YAE1: variants seen among roughly 807,000 people sequenced by gnomAD.
YAE1 encodes the protein YAE1 maturation factor of ABCE1.
YAE1 carries 22 observed loss-of-function variants against 23.0 expected under a neutral mutation model. The ratio of observed to expected loss-of-function variants is 0.96; its 90% CI spans 0.68 to 1.37. The LOEUF (loss-of-function observed/expected upper bound fraction) is 1.37. YAE1 is among the 40% of genes most tolerant of loss of function. The pLI is 0.00. For missense variants in YAE1, 260 were observed against 262.1 expected, an observed-to-expected ratio of 0.99 and a Z score of 0.06; for synonymous variants, 101 against 97.0, an observed-to-expected ratio of 1.04 and a Z score of -0.24.
chr7:39,601,529 A>C, intron 2 of YAE1, among the ~76,000 whole-genome samples: 1 of 152,102 alleles, frequency 6.6e-6, no homozygotes, highest in Admixed American at 6.6e-5. Flanking sequence ...GGAGGCCGAG[A>C]TGGGTGGATC....
chr7:39,575,577 A>AGAGAGT (rs1173016799), downstream of YAE1, among the ~76,000 whole-genome samples: 2 of 80,208 alleles, frequency 2.5e-5, no homozygotes, highest in African/African-American at 1.7e-4. Context: ...AGAGAGAGAG[A>AGAGAGT]GTGAGTGTGT....
intron 2 of YAE1, among the ~76,000 whole-genome samples, chr7:39,586,632 G>A (rs1422632315): frequency 6.6e-6 from 1 of 150,706 alleles, no homozygotes; most frequent in Non-Finnish European, 1.5e-5. Flanking sequence ...CAAGTAGCTG[G>A]GACTACAGGC....
chr7:39,577,732 C>T (rs1352698698), downstream of YAE1, among the ~76,000 whole-genome samples: 1 of 152,248 alleles, frequency 6.6e-6, no homozygotes, highest in Non-Finnish European at 1.5e-5. Context: ...GAGCACCACC[C>T]CCTGCTCTGC....
At chr7:39,570,657 T>C in intron 2 of YAE1, 30 bp downstream of exon 2, 2 of 1,572,852 alleles carry the variant, frequency 1.3e-6, no homozygotes, top group South Asian at 1.2e-5. Flanking sequence ...TGCTGAATCA[T>C]TTTAACCTCA....
chr7:39,579,904 C>T (rs1359470394), intron 2 of YAE1, among the ~76,000 whole-genome samples: 1 of 151,818 alleles, frequency 6.6e-6, no homozygotes, highest in East Asian at 1.9e-4. Context: ...AATAGCCAGG[C>T]ATGGTGGCAT....
intron 2 of YAE1, among the ~76,000 whole-genome samples, chr7:39,586,341 T>A (rs1445116703): frequency 6.8e-6 from 1 of 147,160 alleles, no homozygotes; most frequent in Non-Finnish European, 1.5e-5. Flanking sequence ...CCCGGCTAAT[T>A]TTTTGTATTT....
chr7:39,587,153 T>C (rs1044184312), intron 2 of YAE1, among the ~76,000 whole-genome samples: 2 of 151,996 alleles, frequency 1.3e-5, no homozygotes, highest in African/African-American at 2.4e-5. Context: ...GCCTCCCAGG[T>C]TGAAGTGATT....
chr7:39,603,252 C>G (rs971303176), intron 2 of YAE1, among the ~76,000 whole-genome samples: 7 of 152,206 alleles, frequency 4.6e-5, no homozygotes, highest in Non-Finnish European at 1.0e-4. Flanking sequence ...CATTCTCCTG[C>G]GTCAGCCTCC....
At chr7:39,610,361 C>T, downstream of YAE1, 1 of 467,942 alleles carries the variant, frequency 2.1e-6, no homozygotes, top group Non-Finnish European at 4.2e-6. Context: ...TTTGATATCA[C>T]ATTTCAGCTC....
At chr7:39,609,667 C>T in exon 3 of YAE1, 1 of 1,535,718 alleles carries the variant, frequency 6.5e-7, no homozygotes, top group Non-Finnish European at 8.7e-7. Context: ...CTGAGGAGTC[C>T]GGAGGTTGGG....
chr7:39,583,660 A>G (rs1790776361), intron 2 of YAE1, among the ~76,000 whole-genome samples: 1 of 152,232 alleles, frequency 6.6e-6, no homozygotes, highest in Admixed American at 6.5e-5. Context: ...TAAGCCATGT[A>G]TTTCCCAGGA....
At chr7:39,593,807 C>CCTATA (rs1156809731) in intron 2 of YAE1, among the ~76,000 whole-genome samples, 2 of 152,166 alleles carry the variant, frequency 1.3e-5, no homozygotes, top group African/African-American at 4.8e-5. Context: ...CCTATATGTT[C>CCTATA]ATTCATTTAA....
chr7:39,605,589 A>T (rs577877845), intron 2 of YAE1, among the ~76,000 whole-genome samples: 8 of 152,236 alleles, frequency 5.3e-5, no homozygotes, highest in African/African-American at 1.9e-4. Context: ...TTCAGACTGG[A>T]ACTTACACCA....
At chr7:39,584,845 C>A (rs12534684) in intron 2 of YAE1, among the ~76,000 whole-genome samples, 54,476 of 151,706 alleles carry the variant, frequency 0.36, 10,061 homozygotes, top group East Asian at 0.53. Flanking sequence ...AAAGTAAGAC[C>A]CCATCTCAAC....
chr7:39,594,895 C>G (rs1031240927), intron 2 of YAE1, among the ~76,000 whole-genome samples: 1 of 152,136 alleles, frequency 6.6e-6, no homozygotes, highest in East Asian at 1.9e-4. Flanking sequence ...CGTGCCCAGC[C>G]AGAACCTCGT....
intron 1 of YAE1, among the ~76,000 whole-genome samples, chr7:39,568,162 C>T (rs1335074302): frequency 9.2e-5 from 14 of 151,882 alleles, no homozygotes; most frequent in Admixed American, 3.9e-4. Context: ...CACTTGAATC[C>T]GGGAGGCAGA....
chr7:39,567,359 G>T (rs1254763273), intron 1 of YAE1, among the ~76,000 whole-genome samples: 1 of 152,230 alleles, frequency 6.6e-6, no homozygotes, highest in Non-Finnish European at 1.5e-5. Flanking sequence ...TTTAAATGCT[G>T]TGGCACCGTG....
intron 2 of YAE1, among the ~76,000 whole-genome samples, chr7:39,586,509 T>A (rs1442697546): frequency 7.5e-6 from 1 of 133,534 alleles, no homozygotes; most frequent in African/African-American, 2.6e-5. Flanking sequence ...TCTTTCTTTC[T>A]TTTTTTTTTA....
chr7:39,579,797 C>T (rs1477010341), intron 2 of YAE1, among the ~76,000 whole-genome samples: 2 of 152,172 alleles, frequency 1.3e-5, no homozygotes, highest in African/African-American at 4.8e-5. Flanking sequence ...AATCGCAGCA[C>T]TTTGGGAGGC....
Sources: allele counts gnomAD v4.1 joint callset (sites outside exome capture counted in the v4.1 genomes callset), GRCh38; gene constraint gnomAD v4.1.1; transcripts MANE v1.5; gene names NCBI Gene and HGNC (gene_info 2026-07-23, HGNC 2026-07-21).